The following FNTA variants were observed in gnomAD, a reference collection of about 807,000 sequenced individuals.
FNTA encodes protein farnesyltransferase/geranylgeranyltransferase type-1 subunit alpha.
A neutral mutation model predicts 55.2 loss-of-function variants in FNTA; 27 were observed. The ratio of observed to expected loss-of-function variants is 0.49; its 90% CI spans 0.36 to 0.67. FNTA has a LOEUF of 0.67. Ranked by LOEUF, FNTA falls within the 30% of genes least tolerant of loss-of-function variation. The probability of loss-of-function intolerance (pLI) is 0.00; values close to 1 mark genes in which losing one functional copy is unlikely to be tolerated. For missense variants in FNTA, 422 were observed against 464.7 expected (o/e 0.91, Z 0.85); for synonymous variants, 176 against 170.7 (o/e 1.03, Z -0.24).
intron 6 of FNTA, chr8:43,082,727 T>C (rs1811049470): frequency 6.4e-6 from 1 of 156,666 alleles, no homozygotes; most frequent in Non-Finnish European, 1.4e-5. Context: ...GAAAGTGTGT[T>C]TACAAAGCTG....
chr8:43,080,757 A>G (rs569314926), intron 6 of FNTA: 1 of 152,372 alleles, frequency 6.6e-6, no homozygotes, highest in Non-Finnish European at 1.5e-5. Flanking sequence ...TGGACAGCAC[A>G]TACAAAACAT....
At chr8:43,063,738 A>G (rs1056478086) in intron 2 of FNTA, among the ~76,000 whole-genome samples, 1 of 152,176 alleles carries the variant, frequency 6.6e-6, no homozygotes, top group Non-Finnish European at 1.5e-5. Flanking sequence ...GCCTTTGGGC[A>G]TATTTTTCAG....
At chr8:43,085,084 A>G in intron 8 of FNTA, 76 bp from the exon 9 acceptor site, 1 of 1,301,730 alleles carries the variant, frequency 7.7e-7, no homozygotes, top group Non-Finnish European at 1.1e-6. Context: ...GATTTGAGTT[A>G]AATTGTATTG....
At chr8:43,063,135 G>C (rs1049103791) in intron 2 of FNTA, 1 of 332,700 alleles carries the variant, frequency 3.0e-6, no homozygotes, top group Non-Finnish European at 5.9e-6. Flanking sequence ...ACCCAGGCTC[G>C]GTGCTTGCGA....
At chr8:43,075,444 T>A (rs77921793) in intron 5 of FNTA, among the ~76,000 whole-genome samples, 29 of 152,174 alleles carry the variant, frequency 1.9e-4, no homozygotes, top group African/African-American at 7.0e-4. Flanking sequence ...AAGTTTTTTT[T>A]ATCATTTTCC....
At position 43,077,360 on chromosome 8, in the gene FNTA, G is replaced by A. The variant is rs755427163; in HGVS notation, c.778G>A (p.Val260Ile). The change falls in exon 6 of 9, where the codon GTC becomes ATC. Residue 260 changes from valine to isoleucine, a missense_variant. Val to Ile is a conservative substitution (Grantham distance 29). Transcript: ENST00000302279. ...YNDRAVLERE[V>I]QYTLEMIKLV... ...TGATCGTGCTGTATTGGAGAGAGAA[G>A]TCCAGTTAGTAATCTCCTTCACTTG... The A allele has an allele frequency of 4.4e-6, 7 of 1,603,062 alleles. 1 individual carries two copies. The South Asian group carries it at 7.9e-5, about 18-fold the overall frequency.
chr8:43,085,079 G>C (rs1563331827), intron 8 of FNTA, 81 bp from the exon 9 acceptor site: 2 of 1,264,772 alleles, frequency 1.6e-6, no homozygotes, highest in Non-Finnish European at 2.2e-6. Context: ...AATGTGATTT[G>C]AGTTAAATTG....
intron 2 of FNTA, among the ~76,000 whole-genome samples, chr8:43,061,429 T>C (rs569218607): frequency 6.6e-5 from 10 of 152,224 alleles, no homozygotes; most frequent in Non-Finnish European, 1.5e-4. Context: ...GTAGTAACTA[T>C]AGATGTAGTA....
At chr8:43,072,403 A>G in intron 5 of FNTA, 96 bp downstream of exon 5, 1 of 858,884 alleles carries the variant, frequency 1.2e-6, no homozygotes, top group Non-Finnish European at 1.7e-6. Context: ...AAACACACAC[A>G]TACGTAGATC....
At chr8:43,082,977 C>T (rs1399080825) in intron 6 of FNTA, 141 bp from the exon 7 acceptor site, 7 of 474,168 alleles carry the variant, frequency 1.5e-5, no homozygotes, top group South Asian at 2.3e-5. Context: ...ACCTGGGAGG[C>T]GGAGGTTGCA....
intron 6 of FNTA, 107 bp downstream of exon 6, chr8:43,077,471 A>C: frequency 1.3e-6 from 1 of 787,004 alleles, no homozygotes; most frequent in Non-Finnish European, 2.0e-6. Context: ...CATGGAACTA[A>C]AAGAGGACAG....
chr8:43,072,165 C>A lies in FNTA; in HGVS notation c.507-16C>A. On this transcript the variant is annotated splice_polypyrimidine_tract_variant and intron_variant, in intron 4 of 8. Transcript: ENST00000302279. ...GTAAATTAACAAAAAACTTCTCTCCCTTCTTTGGGCTTTAGGCATCATAGG... is the reference window on the plus strand; with the variant it reads ...GTAAATTAACAAAAAACTTCTCTCCATTCTTTGGGCTTTAGGCATCATAGG... The A allele has an allele frequency of 6.8e-7, 1 of 1,470,412 alleles. No homozygotes were observed. 91.1% of individuals were successfully genotyped at this position (1,470,412 alleles called of 1,614,324 possible). A position where few individuals can be genotyped will look rare whatever the true frequency, so the allele number is the denominator to read the frequency against.
chr8:43,064,006 C>T (rs1810595818), intron 2 of FNTA, 95 bp from the exon 3 acceptor site: 1 of 776,214 alleles, frequency 1.3e-6, no homozygotes, highest in Non-Finnish European at 2.1e-6. Context: ...GATACACAGG[C>T]CAATAAAATA....
intron 6 of FNTA, 195 bp from the exon 7 acceptor site, chr8:43,082,923 G>T: frequency 2.8e-6 from 1 of 354,568 alleles, no homozygotes. Context: ...GTGGGCGCCT[G>T]TAGTCCCAGC....
chr8:43,057,784 C>T (rs1367096168), intron 1 of FNTA, among the ~76,000 whole-genome samples: 1 of 151,972 alleles, frequency 6.6e-6, no homozygotes, highest in East Asian at 1.9e-4. Flanking sequence ...ATGGTGAAAC[C>T]CTGTCTCTAC....
intron 6 of FNTA, chr8:43,078,948 A>G (rs1563330262): frequency 1.3e-5 from 2 of 152,360 alleles, no homozygotes. Flanking sequence ...GATAAAAGAT[A>G]AAACCAGCCA....
At chr8:43,072,138 G>A (rs1441420810) in intron 4 of FNTA, 43 bp from the exon 5 acceptor site, 2 of 1,402,560 alleles carry the variant, frequency 1.4e-6, no homozygotes, top group African/African-American at 2.9e-5. Flanking sequence ...TTTAGTTCAT[G>A]GGTAAATTAA....
rs371393216 is a variant in FNTA at position 43,077,339 on chromosome 8, C to G, written c.757C>G (p.Arg253Gly). Residue 253 changes from arginine (R) to glycine (G), a missense_variant, in exon 6 of 9, where the codon CGT becomes GGT. Coordinates refer to ENST00000302279, the MANE Select transcript of FNTA (RefSeq NM_002027.3). ...VISNTTGYND[R>G]AVLEREVQYT... ...TTCTAACACCACTGGCTACAATGAT[C>G]GTGCTGTATTGGAGAGAGAAGTCCA... 1.3e-5 allele frequency: 21 copies of G among 1,612,536 alleles called. No individual in the cohort carries two copies. In the South Asian group the frequency reaches 2.1e-4, roughly 16 times the overall value.
chr8:43,067,038 T>TC (rs1462109276), intron 3 of FNTA, among the ~76,000 whole-genome samples: 1 of 152,210 alleles, frequency 6.6e-6, no homozygotes, highest in Non-Finnish European at 1.5e-5. Context: ...AACTTTTTTT[T>TC]CTAAGTTTGT....
Sources: allele counts gnomAD v4.1 joint callset (sites outside exome capture counted in the v4.1 genomes callset), GRCh38; gene constraint gnomAD v4.1.1; transcripts MANE v1.5; gene names NCBI Gene and HGNC (gene_info 2026-07-23, HGNC 2026-07-21).